The following ZFAT variants were observed in gnomAD, a reference collection of about 807,000 sequenced individuals.
ZFAT encodes zinc finger protein ZFAT.
ZFAT carries 64 observed loss-of-function variants against 117.7 expected under a neutral mutation model. The observed-to-expected ratio is 0.54, with a 90% CI of 0.44 to 0.67. The LOEUF (loss-of-function observed/expected upper bound fraction) is 0.67. Ranked by LOEUF, ZFAT falls within the 30% of genes least tolerant of loss-of-function variation. The probability of loss-of-function intolerance (pLI) is 0.00; values close to 1 mark genes in which losing one functional copy is unlikely to be tolerated. For missense variants in ZFAT, 1,433 were observed against 1,584.5 expected, an observed-to-expected ratio of 0.90 and a Z score of 1.62; for synonymous variants, 679 against 615.0, an observed-to-expected ratio of 1.10 and a Z score of -1.54.
intron 2 of ZFAT, among the ~76,000 whole-genome samples, chr8:134,646,447 C>T (rs1000568670): frequency 6.6e-6 from 1 of 151,704 alleles, no homozygotes; most frequent in African/African-American, 2.4e-5. Flanking sequence ...TTATTGCCTA[C>T]ATTAGAAAAA....
At chr8:134,558,579 C>A (rs912176022) in intron 11 of ZFAT, among the ~76,000 whole-genome samples, 1 of 152,040 alleles carries the variant, frequency 6.6e-6, no homozygotes, top group African/African-American at 2.4e-5. Flanking sequence ...CAATATAACA[C>A]CTAGAAAAAT....
intron 13 of ZFAT, among the ~76,000 whole-genome samples, chr8:134,516,997 G>T (rs756184783): frequency 1.6e-4 from 25 of 152,130 alleles, no homozygotes; most frequent in Non-Finnish European, 3.5e-4. Flanking sequence ...TAAACTTACA[G>T]AATTAAACAT....
At chr8:134,588,587 A>G (rs1002530238) in intron 8 of ZFAT, among the ~76,000 whole-genome samples, 192 bp from the exon 9 acceptor site, 15 of 152,240 alleles carry the variant, frequency 9.9e-5, no homozygotes, top group Admixed American at 8.5e-4. Context: ...TGTTAACATC[A>G]TGTATGAGGA....
chr8:134,487,363 A>G (rs1035540613), intron 15 of ZFAT, among the ~76,000 whole-genome samples: 11 of 151,866 alleles, frequency 7.2e-5, no homozygotes, highest in African/African-American at 2.7e-4. Flanking sequence ...TGGATGCTAT[A>G]CCTCCTGTAA....
At chr8:134,527,651 G>T (rs940644603) in intron 12 of ZFAT, among the ~76,000 whole-genome samples, 4 of 152,170 alleles carry the variant, frequency 2.6e-5, no homozygotes, top group Non-Finnish European at 5.9e-5. Flanking sequence ...TGGTGACATG[G>T]CATGCAATAT....
At chr8:134,538,058 G>A (rs1821966580) in intron 11 of ZFAT, among the ~76,000 whole-genome samples, 1 of 152,206 alleles carries the variant, frequency 6.6e-6, no homozygotes, top group Non-Finnish European at 1.5e-5. Flanking sequence ...ACACAGATCA[G>A]GGCACAAGCA....
At chr8:134,575,958 T>A (rs916481539) in intron 10 of ZFAT, among the ~76,000 whole-genome samples, 1 of 152,164 alleles carries the variant, frequency 6.6e-6, no homozygotes, top group Non-Finnish European at 1.5e-5. Flanking sequence ...AACTGCAGAC[T>A]TAGGGCCTGA....
At chr8:134,731,415 C>A in the ZFAT span, among the ~76,000 whole-genome samples, 2 of 152,154 alleles carry the variant, frequency 1.3e-5, no homozygotes, top group Non-Finnish European at 2.9e-5. Context: ...ATACAGAAAT[C>A]AGGAGACTTT....
intron 10 of ZFAT, among the ~76,000 whole-genome samples, chr8:134,578,759 C>T (rs1825505834): frequency 6.6e-6 from 1 of 152,122 alleles, no homozygotes. Flanking sequence ...AGCGGGAGAA[C>T]TCCAGATCAT....
At chr8:134,557,234 G>C (rs945034486) in intron 11 of ZFAT, among the ~76,000 whole-genome samples, 3 of 152,122 alleles carry the variant, frequency 2.0e-5, no homozygotes, top group African/African-American at 7.2e-5. Context: ...ATGGTTAAAA[G>C]GTCAGCAAAT....
intron 2 of ZFAT, among the ~76,000 whole-genome samples, chr8:134,653,984 G>A (rs1303794818): frequency 6.6e-6 from 1 of 152,138 alleles, no homozygotes; most frequent in Non-Finnish European, 1.5e-5. Context: ...ATATTATATT[G>A]CTTTAATTTT....
chr8:134,565,889 G>C (rs1824424113), intron 10 of ZFAT, among the ~76,000 whole-genome samples: 1 of 152,176 alleles, frequency 6.6e-6, no homozygotes. Flanking sequence ...AGCTGAGCCA[G>C]AGAGGTTGCT....
intron 10 of ZFAT, among the ~76,000 whole-genome samples, chr8:134,573,086 T>C (rs995724669): frequency 2.0e-5 from 3 of 152,182 alleles, no homozygotes; most frequent in Admixed American, 2.0e-4. Flanking sequence ...TAGTTACCTC[T>C]GGGGAGGAGA....
At chr8:134,680,612 C>A (rs1833029925) in intron 1 of ZFAT, among the ~76,000 whole-genome samples, 1 of 152,048 alleles carries the variant, frequency 6.6e-6, no homozygotes, top group South Asian at 2.1e-4. Context: ...AAACGTACAC[C>A]AATAAAAATG....
chr8:134,515,348 T>C (rs1312849036), intron 13 of ZFAT, among the ~76,000 whole-genome samples: 2 of 152,242 alleles, frequency 1.3e-5, no homozygotes, highest in African/African-American at 2.4e-5. Flanking sequence ...CTGGGTCAAA[T>C]GGTATTTCTG....
intron 13 of ZFAT, among the ~76,000 whole-genome samples, chr8:134,516,913 CA>C (rs1820293296): frequency 6.6e-6 from 1 of 152,040 alleles, no homozygotes; most frequent in Non-Finnish European, 1.5e-5. Flanking sequence ...CTTAATTTAC[CA>C]ATTTTCAAAA....
At chr8:134,570,060 C>A (rs1824780403) in intron 10 of ZFAT, among the ~76,000 whole-genome samples, 2 of 152,142 alleles carry the variant, frequency 1.3e-5, no homozygotes, top group African/African-American at 4.8e-5. Context: ...CCTCTCAGAG[C>A]TCATGTACTG....
Position 134,608,752 on chromosome 8 carries a change from A to ATT in ZFAT, c.761_762insAA (p.Tyr254Ter). 1 of 1,610,972 alleles carries ATT rather than the reference A, an allele frequency of 6.2e-7. No individual in the cohort carries two copies. Among genetic ancestry groups the ATT allele is most frequent in the Non-Finnish European group, 8.5e-7 (1 of 1,178,874 alleles). Residue 254 changes from tyrosine (Y) to a stop codon, truncating the protein, a stop_gained and frameshift_variant, in exon 5 of 16, where the codon TAT (tyrosine) becomes TAAAT (stop). Transcript: ENST00000377838. LOFTEE classifies it high-confidence loss of function. The stretch of plus-strand genomic sequence containing the variant: ...ACCTGCTTGACTTCATTGGTTGCTC[A>ATT]TAAGGTGTCTGCTGAATGGCGTATT... The part of the protein sequence containing the change: ...YQEYAIQQTP[Y>*]EQPMKSSRLG...
chr8:134,707,155 C>T (rs1049521359), intron 1 of ZFAT, among the ~76,000 whole-genome samples: 2 of 152,158 alleles, frequency 1.3e-5, no homozygotes, highest in African/African-American at 2.4e-5. Flanking sequence ...TCTGCTCACC[C>T]TACAAGACCC....
Sources: allele counts gnomAD v4.1 joint callset (sites outside exome capture counted in the v4.1 genomes callset), GRCh38; gene constraint gnomAD v4.1.1; transcripts MANE v1.5; gene names NCBI Gene and HGNC (gene_info 2026-07-23, HGNC 2026-07-21).